AKR7A2: variants seen among roughly 807,000 people sequenced by gnomAD.
The protein encoded by AKR7A2 is aflatoxin B1 aldehyde reductase member 2.
Under a neutral mutation model 37.3 loss-of-function variants are expected in AKR7A2, and 29 were observed. That is an observed-to-expected ratio of 0.78 (90% CI 0.58 to 1.06). AKR7A2 has a LOEUF of 1.06. AKR7A2 is among the 50% of genes least tolerant of loss of function. The pLI is 0.00. For missense variants in AKR7A2, 529 were observed against 497.9 expected, an observed-to-expected ratio of 1.06 and a Z score of -0.59; for synonymous variants, 228 against 217.8, an observed-to-expected ratio of 1.05 and a Z score of -0.41.
chr1:19,307,706 T>C (rs1278620429), intron 3 of AKR7A2: 4 of 535,310 alleles, frequency 7.5e-6, no homozygotes, highest in Non-Finnish European at 1.3e-5. Flanking sequence ...TTTAAAAAAA[T>C]AGACAAGGAA....
In AKR7A2 at chr1:19,307,415, A is replaced by T. The variant is rs371163980; in HGVS notation, c.592-5T>A. 1 of 1,614,172 alleles carries T rather than the reference A, an allele frequency of 6.2e-7. No individual in the cohort carries two copies. Among genetic ancestry groups the T allele is most frequent in the Non-Finnish European group, 8.5e-7 (1 of 1,179,998 alleles). On this transcript the variant is annotated splice_region_variant and splice_polypyrimidine_tract_variant and intron_variant, in intron 3 of 6. Transcript: ENST00000235835. ...GGTGGTGGCGTTGTACATGCCCTGCAGGGAGAGGGACCCCGGGGACAGGGT... is the reference window on the plus strand; with the variant it reads ...GGTGGTGGCGTTGTACATGCCCTGCTGGGAGAGGGACCCCGGGGACAGGGT...
At chr1:19,311,234 G>A (rs1211570238) in intron 1 of AKR7A2, among the ~76,000 whole-genome samples, 1 of 152,110 alleles carries the variant, frequency 6.6e-6, no homozygotes, top group Non-Finnish European at 1.5e-5. Context: ...CCCTGTGGAG[G>A]GCTGGAATCA....
In AKR7A2 at chr1:19,304,148, T is replaced by C. The variant is rs2093756852; in HGVS notation, c.*77A>G. 1 of 1,610,864 alleles carries C rather than the reference T, an allele frequency of 6.2e-7. No homozygotes were observed. Among genetic ancestry groups the C allele is most frequent in the African/African-American group, 1.3e-5 (1 of 74,974 alleles). On this transcript the variant is annotated 3_prime_UTR_variant, in exon 7 of 7. Transcript: ENST00000235835. ...TTCAGAAAAACCCTTCTAAGTCAGC[T>C]TAAGGCCAAGACTGGTCAGTGTGAG...
Position 19,307,314 on chromosome 1 carries a change from C to T in AKR7A2, c.688G>A (p.Gly230Arg), listed in dbSNP as rs1175825217. Residue 230 changes from glycine to arginine, a missense_variant and splice_region_variant, in exon 4 of 7, where the codon GGG becomes AGG. By Grantham distance (125) the Gly-to-Arg change is moderately radical (BLOSUM62 -2). Transcript: ENST00000235835. ...ACAGGGTCAGGAATGCTCCACGTAC[C>T]AGCCAGAGGGTTGTAGGCATAGAAC... ...LRFYAYNPLA[G>R]GLLTGKYKYE... is the part of the protein sequence containing the mutation. 6.2e-7 allele frequency: 1 copy of T among 1,612,986 alleles called. No individual in the cohort carries two copies. Among genetic ancestry groups the T allele is most frequent in the African/African-American group, 1.3e-5 (1 of 74,900 alleles).
chr1:19,308,320 C>T (rs2093765746), intron 2 of AKR7A2, 58 bp from the exon 3 acceptor site: 2 of 1,611,116 alleles, frequency 1.2e-6, no homozygotes, highest in Admixed American at 1.7e-5. Flanking sequence ...AAGGGGAGGC[C>T]AGGGTGGGGC....
rs960604449 is a variant in AKR7A2, at chr1:19,303,983, G to C, written c.*242C>G. ...AAGCAAGTTTTTGGGGTTCACTCAA[G>C]ACCTAGGCTACAGCCAGGTCAAGTG... On this transcript the variant is annotated 3_prime_UTR_variant, in exon 7 of 7. Coordinates refer to ENST00000235835, the MANE Select transcript of AKR7A2 (RefSeq NM_003689.4). The C allele has an allele frequency of 1.6e-6, 1 of 616,812 alleles. No homozygotes were observed. The allele number at this position is 616,812 out of a possible 1,614,324, so 38.2% of individuals were successfully genotyped here. A position where few individuals can be genotyped will look rare whatever the true frequency, so the allele number is the denominator to read the frequency against.
At chr1:19,306,231 T>C (rs974241232) in intron 5 of AKR7A2, 84 bp from the exon 6 acceptor site, 106 of 1,589,422 alleles carry the variant, frequency 6.7e-5, no homozygotes, top group Non-Finnish European at 9.1e-5. Flanking sequence ...CCAGGACCAC[T>C]GCCCCACCCC....
intron 2 of AKR7A2, 78 bp downstream of exon 2, chr1:19,308,377 T>A: frequency 6.3e-7 from 1 of 1,596,256 alleles, no homozygotes; most frequent in East Asian, 2.3e-5. Flanking sequence ...ACTGCCCTGG[T>A]GCCTCTGCTC....
rs1253453138 is a variant in AKR7A2 at position 19,311,908 on chromosome 1, T to C, written c.217A>G (p.Thr73Ala). 1 of 1,610,314 alleles carries C rather than the reference T, an allele frequency of 6.2e-7. No homozygotes were observed. The highest frequency in any genetic ancestry group is 8.5e-7 in the Non-Finnish European group (1 of 1,179,274). ...TGGCCGTCGCTGTACATGAAGGCCG[T>C]GTCCAGTTCGGTGTGGCCGCGCTCC... ...FLERGHTELD[T>A]AFMYSDGQSE... Residue 73 changes from threonine to alanine, a missense_variant, in exon 1 of 7, where the codon ACG becomes GCG. Coordinates refer to ENST00000235835, the MANE Select transcript of AKR7A2 (RefSeq NM_003689.4).
At chr1:19,307,468 C>T (rs2093763894) in intron 3 of AKR7A2, 58 bp from the exon 4 acceptor site, 3 of 1,581,222 alleles carry the variant, frequency 1.9e-6, no homozygotes, top group East Asian at 2.3e-5. Flanking sequence ...GAACTGTTGC[C>T]TTCCACTTTC....
Position 19,312,115 on chromosome 1 carries a change from C to A in AKR7A2, c.10G>T (p.Ala4Ser), listed in dbSNP as rs908272529. Residue 4 changes from alanine (A) to serine (S), a missense_variant, in exon 1 of 7, where the codon GCC (alanine) becomes TCC (serine). Coordinates refer to ENST00000235835, the MANE Select transcript of AKR7A2 (RefSeq NM_003689.4). ...GCGCGGGAGACTACGCGAGACGCGGCACTCAGCATAGCAGCGGCGCCTGCG... is the reference window on the plus strand; with the variant it reads ...GCGCGGGAGACTACGCGAGACGCGGAACTCAGCATAGCAGCGGCGCCTGCG... Reference protein sequence around the residue: MLSAASRVVSRAAV... With the variant: MLSSASRVVSRAAV... 2 of 1,320,374 alleles carry A rather than the reference C, an allele frequency of 1.5e-6. No individual in the cohort carries two copies. The highest frequency in any genetic ancestry group is 1.9e-6 in the Non-Finnish European group (2 of 1,044,342). The allele number at this position is 1,320,374 out of a possible 1,614,324, so 81.8% of individuals were successfully genotyped here.
chr1:19,312,082 G>C lies in AKR7A2; in HGVS notation c.43C>G (p.His15Asp), dbSNP rs912554794. The change falls in exon 1 of 7, where the codon CAC becomes GAC. Residue 15 changes from histidine (H) to aspartate (D), a missense_variant. His to Asp is a moderately conservative substitution (Grantham distance 81). Coordinates refer to ENST00000235835, the MANE Select transcript of AKR7A2 (RefSeq NM_003689.4). Reference sequence around the variant, plus strand: ...GGCGGCGGAGAGCGAAGCGCGCAGTGGACGGCGGCGCGGGAGACTACGCGA... The same window carrying C: ...GGCGGCGGAGAGCGAAGCGCGCAGTCGACGGCGGCGCGGGAGACTACGCGA... ...ASRVVSRAAV[H>D]CALRSPPPEA... 1.5e-6 allele frequency: 2 copies of C among 1,343,072 alleles called. No individual in the cohort carries two copies. Among genetic ancestry groups the C allele is most frequent in the Admixed American group, 8.0e-5 (2 of 25,144 alleles). The allele number at this position is 1,343,072 out of a possible 1,614,324, so 83.2% of individuals were successfully genotyped here.
At chr1:19,310,256 C>T (rs917110318) in intron 1 of AKR7A2, among the ~76,000 whole-genome samples, 4 of 152,126 alleles carry the variant, frequency 2.6e-5, no homozygotes, top group Admixed American at 2.6e-4. Flanking sequence ...TCTCCATTTC[C>T]CCACAACGCC....
chr1:19,307,893 G>C (rs2093764619), intron 3 of AKR7A2: 4 of 577,756 alleles, frequency 6.9e-6, no homozygotes, highest in Non-Finnish European at 1.2e-5. Context: ...GAGGAGGGCA[G>C]GGGAAATGTG....
In AKR7A2 at chr1:19,304,036, A is replaced by T; in HGVS notation, c.*189T>A. 1 of 943,602 alleles carries T rather than the reference A, an allele frequency of 1.1e-6. No homozygotes were observed. The allele number at this position is 943,602 out of a possible 1,614,324, so 58.5% of individuals were successfully genotyped here. A position where few individuals can be genotyped will look rare whatever the true frequency, so the allele number is the denominator to read the frequency against. On this transcript the variant is annotated 3_prime_UTR_variant, in exon 7 of 7. Transcript: ENST00000235835. ...TGCTTTATTCAACAGGAAGCGCTCAAGTGGGACTCACCCCCCACCTTTCAC... is the reference window on the plus strand; with the variant it reads ...TGCTTTATTCAACAGGAAGCGCTCATGTGGGACTCACCCCCCACCTTTCAC...
chr1:19,311,721 C>G (rs1024737459), intron 1 of AKR7A2, 106 bp downstream of exon 1: 95 of 1,436,204 alleles, frequency 6.6e-5, no homozygotes, highest in Non-Finnish European at 8.8e-5. Flanking sequence ...GAGCGAGGGA[C>G]GAATCCGTCG....
downstream of AKR7A2, among the ~76,000 whole-genome samples, chr1:19,303,386 G>A (rs2093755604): frequency 6.6e-6 from 1 of 152,220 alleles, no homozygotes; most frequent in South Asian, 2.1e-4. Flanking sequence ...GGATTTTGGT[G>A]CACTGGGAAT....
At chr1:19,309,827 C>A (rs543451104) in intron 1 of AKR7A2, among the ~76,000 whole-genome samples, 16 of 152,280 alleles carry the variant, frequency 1.1e-4, no homozygotes, top group South Asian at 4.1e-4. Context: ...GTAATCCCAG[C>A]ACTTTCGGAG....
downstream of AKR7A2, among the ~76,000 whole-genome samples, chr1:19,303,771 AGAGT>A (rs1448605839): frequency 6.6e-6 from 1 of 152,168 alleles, no homozygotes; most frequent in Non-Finnish European, 1.5e-5. Context: ...CGTGTGTAGA[AGAGT>A]GAGAGACACC....
Sources: allele counts gnomAD v4.1 joint callset (sites outside exome capture counted in the v4.1 genomes callset), GRCh38; gene constraint gnomAD v4.1.1; transcripts MANE v1.5; gene names NCBI Gene and HGNC (gene_info 2026-07-23, HGNC 2026-07-21).